SERPINB8: variants seen among roughly 807,000 people sequenced by gnomAD.
SERPINB8 encodes serpin B8.
In SERPINB8, 25 loss-of-function variants were observed where a neutral mutation model predicts 35.3. The observed-to-expected ratio is 0.71, with a 90% CI of 0.52 to 0.99. The LOEUF is 0.99. SERPINB8 is among the 50% of genes least tolerant of loss of function. SERPINB8 has a pLI of 0.00. For missense variants in SERPINB8, 484 were observed against 446.5 expected (o/e 1.08, Z -0.76); for synonymous variants, 186 against 160.8 (o/e 1.16, Z -1.19).
At chr18:63,995,174 G>C (rs1303699780) in intron 1 of SERPINB8, among the ~76,000 whole-genome samples, 1 of 152,140 alleles carries the variant, frequency 6.6e-6, no homozygotes, top group Non-Finnish European at 1.5e-5. Context: ...TATGCTTGTT[G>C]TCATCCCTCC....
intron 6 of SERPINB8, among the ~76,000 whole-genome samples, chr18:63,985,698 C>T (rs894023016): frequency 2.0e-5 from 3 of 152,116 alleles, no homozygotes; most frequent in Admixed American, 1.3e-4. Flanking sequence ...CCAAGTGATA[C>T]AGATGCTTGG....
At chr18:64,014,590 C>T (rs2050941157) in intron 7 of SERPINB8, among the ~76,000 whole-genome samples, 1 of 152,158 alleles carries the variant, frequency 6.6e-6, no homozygotes, top group Non-Finnish European at 1.5e-5. Flanking sequence ...TCATGCCAGA[C>T]TCCTTTCACT....
At chr18:63,977,513 A>C (rs2050600631) in intron 1 of SERPINB8, among the ~76,000 whole-genome samples, 1 of 152,030 alleles carries the variant, frequency 6.6e-6, no homozygotes, top group Admixed American at 6.5e-5. Context: ...TTTTCAATAG[A>C]GATGGGGTTT....
At chr18:64,005,771 C>G (rs1236840768), downstream of SERPINB8, 2 of 152,196 alleles carry the variant, frequency 1.3e-5, no homozygotes, top group African/African-American at 4.8e-5. Context: ...AGATCTCAGT[C>G]TGTGCTCAAC....
chr18:64,013,951 A>T (rs2050937894), intron 7 of SERPINB8, among the ~76,000 whole-genome samples: 1 of 152,244 alleles, frequency 6.6e-6, no homozygotes, highest in Non-Finnish European at 1.5e-5. Flanking sequence ...AAGTTAGGCC[A>T]GGAAAAAGAC....
chr18:64,002,716 G>A (rs1317504938), intron 1 of SERPINB8, among the ~76,000 whole-genome samples: 3 of 152,112 alleles, frequency 2.0e-5, no homozygotes, highest in African/African-American at 7.2e-5. Context: ...CGGGTGCTGG[G>A]GAAGGGGCGT....
At chr18:63,975,135 AC>A (rs1395228649) in intron 1 of SERPINB8, among the ~76,000 whole-genome samples, 1 of 151,906 alleles carries the variant, frequency 6.6e-6, no homozygotes, top group Non-Finnish European at 1.5e-5. Context: ...ACACACACAC[AC>A]ACACCCCAAC....
chr18:63,989,532 G>A (rs929990043), downstream of SERPINB8, among the ~76,000 whole-genome samples: 1 of 152,156 alleles, frequency 6.6e-6, no homozygotes, highest in African/African-American at 2.4e-5. Flanking sequence ...TAAAGCCTAG[G>A]AGAGTTCTGG....
chr18:63,981,723 C>G lies in SERPINB8; in HGVS notation c.309C>G (p.Asp103Glu), dbSNP rs779636617. 2 of 1,607,206 alleles carry G rather than the reference C, an allele frequency of 1.2e-6. No individual in the cohort carries two copies. The highest frequency in any genetic ancestry group is 1.7e-6 in the Non-Finnish European group (2 of 1,174,926). ...AACTCAGTGTTTTGTGTTTGCAGGA[C>G]TTTAAAGAATACTGTCAGAAGTTCT... ...FGEKTCDFLP[D>E]FKEYCQKFYQ... Residue 103 changes from aspartate (D) to glutamate (E), a missense_variant and splice_region_variant, in exon 4 of 7, where the codon GAC becomes GAG. By Grantham distance (45) the Asp-to-Glu change is conservative. Coordinates refer to ENST00000397985, the MANE Select transcript of SERPINB8 (RefSeq NM_002640.4).
chr18:64,002,506 C>T (rs1386435218), intron 1 of SERPINB8, among the ~76,000 whole-genome samples: 1 of 152,164 alleles, frequency 6.6e-6, no homozygotes, highest in African/African-American at 2.4e-5. Flanking sequence ...TGGATGAGTC[C>T]TTTGCACCAC....
chr18:63,986,971 T>C lies in SERPINB8; in HGVS notation c.818T>C (p.Leu273Pro). 1.2e-6 allele frequency: 2 copies of C among 1,614,228 alleles called. No homozygotes were observed. Among genetic ancestry groups the C allele is most frequent in the Non-Finnish European group, 1.7e-6 (2 of 1,180,032 alleles). ...CAAGTTTTCCTTCCCAGATTAAAGC[T>C]GGAGGAGAGTTATGACTTGGAGCCT... is the stretch of plus-strand genomic sequence containing the variant. ...KVQVFLPRLKLEESYDLEPFL... is the reference protein window; with the variant it reads ...KVQVFLPRLKPEESYDLEPFL... Residue 273 changes from leucine (L) to proline (P), a missense_variant, in exon 7 of 7, where the codon CTG (leucine) becomes CCG (proline). Physicochemically the swap from Leu to Pro is moderately conservative, Grantham distance 98. Coordinates refer to ENST00000397985, the MANE Select transcript of SERPINB8 (RefSeq NM_002640.4).
At position 63,987,136 on chromosome 18, in the gene SERPINB8, C is replaced by G. The variant is rs1408218224; in HGVS notation, c.983C>G (p.Ala328Gly). The G allele has an allele frequency of 4.3e-6, 7 of 1,614,058 alleles. No individual in the cohort carries two copies. Among genetic ancestry groups the G allele is most frequent in the Non-Finnish European group, 5.9e-6 (7 of 1,179,996 alleles). ...GAGGTCAATGAGGAAGGCACAGAGG[C>G]TGCCGCAGCCACTGCTGTGGTCAGG... Reference protein sequence around the residue: ...FVEVNEEGTEAAAATAVVRNS... With the variant: ...FVEVNEEGTEGAAATAVVRNS... Residue 328 changes from alanine (A) to glycine (G), a missense_variant, in exon 7 of 7, where the codon GCT becomes GGT. Physicochemically the swap from Ala to Gly is moderately conservative, Grantham distance 60. Coordinates refer to ENST00000397985, the MANE Select transcript of SERPINB8 (RefSeq NM_002640.4).
exon 2 of SERPINB8, chr18:64,004,955 A>G: frequency 2.5e-6 from 1 of 397,938 alleles, no homozygotes; most frequent in Non-Finnish European, 4.4e-6. Flanking sequence ...TCTCTAAAAG[A>G]GGCAATGTCA....
At chr18:63,998,347 A>G (rs1041013719) in intron 1 of SERPINB8, among the ~76,000 whole-genome samples, 2 of 152,206 alleles carry the variant, frequency 1.3e-5, no homozygotes, top group African/African-American at 2.4e-5. Context: ...GTATCTAATA[A>G]TGGCCCAAAC....
intron 7 of SERPINB8, among the ~76,000 whole-genome samples, chr18:64,016,340 G>T (rs1415692891): frequency 6.6e-6 from 1 of 152,176 alleles, no homozygotes; most frequent in African/African-American, 2.4e-5. Context: ...GAGACAACAG[G>T]TTTAAAATTA....
In SERPINB8 at chr18:63,985,237, C is replaced by T; in HGVS notation, c.712C>T (p.Leu238Phe). ...VILLPDDNTD[L>F]AVVEKALTYE... ...TCTGCTTCCCGATGACAACACGGAC[C>T]TCGCCGTGGTAAGCTCCAGGCAATG... Residue 238 changes from leucine to phenylalanine, a missense_variant, in exon 6 of 7, where the codon CTC (leucine) becomes TTC (phenylalanine). By Grantham distance (22) the Leu-to-Phe change is conservative (BLOSUM62 0). Transcript: ENST00000397985. 1.9e-6 allele frequency: 3 copies of T among 1,614,142 alleles called. No individual in the cohort carries two copies. The highest frequency in any genetic ancestry group is 2.5e-6 in the Non-Finnish European group (3 of 1,180,018).
chr18:63,977,735 T>C (rs2050604748), intron 1 of SERPINB8, among the ~76,000 whole-genome samples: 1 of 152,192 alleles, frequency 6.6e-6, no homozygotes, highest in African/African-American at 2.4e-5. Context: ...GGCCCTGAGA[T>C]TGGCTATTTT....
At chr18:64,014,375 G>A (rs1161763001) in intron 7 of SERPINB8, among the ~76,000 whole-genome samples, 1 of 152,130 alleles carries the variant, frequency 6.6e-6, no homozygotes, top group African/African-American at 2.4e-5. Context: ...GTTCCATTTT[G>A]AACCTGTTAC....
downstream of SERPINB8, among the ~76,000 whole-genome samples, chr18:64,007,621 C>T (rs1427666372): frequency 6.6e-6 from 1 of 152,128 alleles, no homozygotes; most frequent in Non-Finnish European, 1.5e-5. Flanking sequence ...TCTGGGGAGG[C>T]TTCCAGAAAC....
Sources: allele counts gnomAD v4.1 joint callset (sites outside exome capture counted in the v4.1 genomes callset), GRCh38; gene constraint gnomAD v4.1.1; transcripts MANE v1.5; gene names NCBI Gene and HGNC (gene_info 2026-07-23, HGNC 2026-07-21).